The following KPNA4 variants were observed in gnomAD, a reference collection of about 807,000 sequenced individuals.
KPNA4 encodes the protein karyopherin subunit alpha 4, also known as importin subunit alpha-3.
Under a neutral mutation model 71.3 loss-of-function variants are expected in KPNA4, and 13 were observed. The observed-to-expected ratio is 0.18, with a 90% CI of 0.12 to 0.29. KPNA4 has a LOEUF of 0.29. Ranked by LOEUF, KPNA4 falls within the 10% of genes least tolerant of loss-of-function variation. The probability of loss-of-function intolerance (pLI) is 1.00; values close to 1 mark genes in which losing one functional copy is unlikely to be tolerated. For synonymous variants in KPNA4, 189 were observed against 195.2 expected, an observed-to-expected ratio of 0.97 and a Z score of 0.26; for missense variants, 334 against 603.2, an observed-to-expected ratio of 0.55 and a Z score of 4.67.
chr3:160,519,610 A>C (rs895649147), intron 11 of KPNA4, among the ~76,000 whole-genome samples: 2 of 151,278 alleles, frequency 1.3e-5, no homozygotes, highest in Non-Finnish European at 3.0e-5. Flanking sequence ...CTGGCTAACA[A>C]GGTGAAACCC....
chr3:160,565,083 G>T (rs529301380), intron 1 of KPNA4, 131 bp downstream of exon 1: 5 of 707,124 alleles, frequency 7.1e-6, no homozygotes, highest in Non-Finnish European at 1.2e-5. Flanking sequence ...CGTCACAGAC[G>T]GGCCGGCCCC....
Position 160,534,803 on chromosome 3 carries a change from C to CT in KPNA4, c.287+709dup, listed in dbSNP as rs533163186. On this transcript the variant is annotated intron_variant, in intron 5 of 16. Transcript: ENST00000334256. The stretch of plus-strand genomic sequence containing the variant: ...TGGGAGTGTATGCAGTCATTAATCT[C>CT]TTTTTTTTTTGAGATGGAGTTATGA... 2.5e-3 allele frequency among the ~76,000 whole-genome samples: 353 copies of CT among 143,206 alleles called. 1 individual carries two copies. The highest frequency in any genetic ancestry group is 3.7e-3 in the Non-Finnish European group (242 of 65,192). 93.9% of individuals were successfully genotyped at this position (143,206 alleles called of 152,430 possible). A position where few individuals can be genotyped will look rare whatever the true frequency, so the allele number is the denominator to read the frequency against.
chr3:160,548,076 T>C (rs891694647), intron 1 of KPNA4, among the ~76,000 whole-genome samples: 2 of 152,314 alleles, frequency 1.3e-5, no homozygotes, highest in East Asian at 1.9e-4. Context: ...TTGGGTCATA[T>C]GGTAAGAGTA....
At chr3:160,516,596 A>G (rs1276912469) in intron 11 of KPNA4, among the ~76,000 whole-genome samples, 1 of 151,964 alleles carries the variant, frequency 6.6e-6, no homozygotes, top group Non-Finnish European at 1.5e-5. Flanking sequence ...GCTGGGCAAC[A>G]TGACAAAACC....
At chr3:160,535,636 A>G (rs200590900) in intron 4 of KPNA4, 25 bp downstream of exon 4, 3 of 1,587,116 alleles carry the variant, frequency 1.9e-6, no homozygotes, top group Non-Finnish European at 2.6e-6. Flanking sequence ...AATGCAAATG[A>G]AGAGAGGGAA....
At chr3:160,521,173 GA>G (rs1473159314) in intron 11 of KPNA4, among the ~76,000 whole-genome samples, 1 of 150,174 alleles carries the variant, frequency 6.7e-6, no homozygotes, top group Non-Finnish European at 1.5e-5. Flanking sequence ...TGGCAAGGAA[GA>G]AAAAAAAAGA....
intron 1 of KPNA4, among the ~76,000 whole-genome samples, chr3:160,548,455 C>T (rs1001144015): frequency 6.6e-6 from 1 of 152,058 alleles, no homozygotes; most frequent in Non-Finnish European, 1.5e-5. Context: ...AAACAACTCC[C>T]TATCTCCTTC....
chr3:160,547,570 T>TACTA (rs1721948803), intron 1 of KPNA4, among the ~76,000 whole-genome samples: 1 of 152,166 alleles, frequency 6.6e-6, no homozygotes, highest in African/African-American at 2.4e-5. Flanking sequence ...AGCCTACATG[T>TACTA]ACTATCACCC....
chr3:160,509,429 C>T (rs1380992399), intron 14 of KPNA4, among the ~76,000 whole-genome samples: 1 of 152,082 alleles, frequency 6.6e-6, no homozygotes, highest in Non-Finnish European at 1.5e-5. Context: ...AAACTCCTGA[C>T]TATAGGGGCC....
chr3:160,507,992 T>G, intron 15 of KPNA4, 115 bp downstream of exon 15: 1 of 777,154 alleles, frequency 1.3e-6, no homozygotes, highest in Non-Finnish European at 2.0e-6. Context: ...TTTACTTTAT[T>G]CTGTTACTTG....
intron 1 of KPNA4, among the ~76,000 whole-genome samples, chr3:160,539,998 C>CTTT (rs376611861): frequency 7.0e-5 from 9 of 129,326 alleles, no homozygotes; most frequent in Non-Finnish European, 1.3e-4. Flanking sequence ...TTTTTCTTTT[C>CTTT]TTTTTTTTTT....
intron 7 of KPNA4, among the ~76,000 whole-genome samples, chr3:160,530,351 T>TG (rs926928129): frequency 2.6e-5 from 4 of 151,832 alleles, no homozygotes; most frequent in African/African-American, 9.7e-5. Context: ...CAGTGGCACA[T>TG]GCCTGTAGTC....
chr3:160,524,588 C>T (rs1371009125), intron 10 of KPNA4, among the ~76,000 whole-genome samples: 3 of 152,168 alleles, frequency 2.0e-5, no homozygotes, highest in Non-Finnish European at 4.4e-5. Context: ...AAGTGATCCT[C>T]CTGCCTCAGC....
intron 13 of KPNA4, among the ~76,000 whole-genome samples, chr3:160,513,414 C>T (rs1190428339): frequency 1.0e-4 from 15 of 150,604 alleles, no homozygotes; most frequent in African/African-American, 2.4e-4. Flanking sequence ...TGCTACCACA[C>T]CAAACTAATT....
At chr3:160,546,335 T>C (rs745809211) in intron 1 of KPNA4, among the ~76,000 whole-genome samples, 11 of 152,088 alleles carry the variant, frequency 7.2e-5, no homozygotes, top group Non-Finnish European at 1.5e-4. Flanking sequence ...CTGGGCAACA[T>C]GGCGAAACCC....
In KPNA4 at chr3:160,501,587, A is replaced by G. The variant is rs111531064; in HGVS notation, c.*517T>C. On this transcript the variant is annotated 3_prime_UTR_variant, in exon 17 of 17. Coordinates refer to ENST00000334256, the MANE Select transcript of KPNA4 (RefSeq NM_002268.5). ...CATGAGTGAAGAGCCCTAGATTTCA[A>G]AGATGAACCTGGCTCTCCATCACTG... 0.012 allele frequency: 1,871 copies of G among 152,770 alleles called. 20 individuals carry two copies. Among genetic ancestry groups the G allele is most frequent in the Middle Eastern group, 0.02 (6 of 294 alleles). The allele number at this position is 152,770 out of a possible 1,614,324, so 9.5% of individuals were successfully genotyped here. A position where few individuals can be genotyped will look rare whatever the true frequency, so the allele number is the denominator to read the frequency against.
intron 15 of KPNA4, among the ~76,000 whole-genome samples, chr3:160,505,818 G>A (rs1364696889): frequency 1.3e-5 from 2 of 152,144 alleles, no homozygotes; most frequent in Non-Finnish European, 1.5e-5. Flanking sequence ...CTGAGGACTT[G>A]CAAATCTATA....
chr3:160,504,183 A>G (rs1239145027), intron 16 of KPNA4, among the ~76,000 whole-genome samples: 2 of 152,236 alleles, frequency 1.3e-5, no homozygotes, highest in Non-Finnish European at 2.9e-5. Flanking sequence ...AATAGTCTAT[A>G]ATTTTCTTTT....
At chr3:160,540,243 C>T (rs551798680) in intron 1 of KPNA4, among the ~76,000 whole-genome samples, 133 of 152,148 alleles carry the variant, frequency 8.7e-4, no homozygotes, top group African/African-American at 3.1e-3. Context: ...TCATGATCCA[C>T]CCGCCTCGGC....
Sources: allele counts gnomAD v4.1 joint callset (sites outside exome capture counted in the v4.1 genomes callset), GRCh38; gene constraint gnomAD v4.1.1; transcripts MANE v1.5; gene names NCBI Gene and HGNC (gene_info 2026-07-23, HGNC 2026-07-21).